Variants in INCA1 observed in about 807,000 individuals in gnomAD.
INCA1 encodes inhibitor of CDK, cyclin A1 interacting protein 1.
In INCA1, 28 loss-of-function variants were observed where a neutral mutation model predicts 25.7. That is an observed-to-expected ratio of 1.09 (90% CI 0.81 to 1.49). The LOEUF (loss-of-function observed/expected upper bound fraction) is 1.49. Ranked by LOEUF, INCA1 falls within the 40% of genes most tolerant of loss-of-function variation. The probability of loss-of-function intolerance (pLI) is 0.00; values close to 1 mark genes in which losing one functional copy is unlikely to be tolerated. For missense variants in INCA1, 309 were observed against 290.9 expected, an observed-to-expected ratio of 1.06 and a Z score of -0.45; for synonymous variants, 111 against 103.6, an observed-to-expected ratio of 1.07 and a Z score of -0.43.
At chr17:4,988,702 C>G in intron 6 of INCA1, 77 bp downstream of exon 6, 1 of 1,591,306 alleles carries the variant, frequency 6.3e-7, no homozygotes, top group Non-Finnish European at 8.6e-7. Flanking sequence ...CAGCCTGGCT[C>G]TCAGCTTCTG....
At chr17:4,996,382 TAAG>T (rs2143266105) in intron 1 of INCA1, among the ~76,000 whole-genome samples, 1 of 145,816 alleles carries the variant, frequency 6.9e-6, no homozygotes, top group South Asian at 2.1e-4. Context: ...ACCCTGTTTC[TAAG>T]AAGAAAAAAA....
At chr17:4,990,337 G>C in intron 2 of INCA1, 72 bp from the exon 3 acceptor site, 1 of 1,514,464 alleles carries the variant, frequency 6.6e-7, no homozygotes, top group South Asian at 1.3e-5. Context: ...AAGGATTCAG[G>C]GGCCATCTTT....
At chr17:4,989,370 A>C in intron 5 of INCA1, 58 bp downstream of exon 5, 1 of 1,516,454 alleles carries the variant, frequency 6.6e-7, no homozygotes, top group Non-Finnish European at 9.0e-7. Context: ...CTTAGCTCAA[A>C]CTGTTCTGCC....
chr17:4,989,902 A>C, exon 4 of INCA1: 1 of 1,614,194 alleles, frequency 6.2e-7, no homozygotes. Context: ...GCATGGGTGG[A>C]ATGTGCTGCT....
chr17:4,996,797 T>G (rs1974317836), intron 1 of INCA1: 1 of 149,608 alleles, frequency 6.7e-6, no homozygotes, highest in South Asian at 2.1e-4. Flanking sequence ...GAACTAGGGA[T>G]GGGCTGGGAA....
At chr17:4,997,403 C>G (rs1405870690), upstream of INCA1, 2 of 152,270 alleles carry the variant, frequency 1.3e-5, no homozygotes, top group Admixed American at 1.3e-4. Flanking sequence ...GTTTGGGCCT[C>G]AGGCGGCGTC....
intron 2 of INCA1, among the ~76,000 whole-genome samples, chr17:4,991,572 G>A (rs1160569714): frequency 6.6e-6 from 1 of 152,180 alleles, no homozygotes; most frequent in Non-Finnish European, 1.5e-5. Flanking sequence ...TCTAAGAAAT[G>A]GAGTATGTTA....
chr17:4,993,238 G>A (rs1048565526), intron 2 of INCA1, among the ~76,000 whole-genome samples: 9 of 151,876 alleles, frequency 5.9e-5, no homozygotes, highest in African/African-American at 2.2e-4. Context: ...GGAGTGCAAT[G>A]GCTCGGTCTC....
rs1973589272 is a variant in INCA1, at chr17:4,988,954, CT to C, written c.396-11del. On this transcript the variant is annotated splice_polypyrimidine_tract_variant and intron_variant, in intron 5 of 6. Coordinates refer to ENST00000576820, the Ensembl canonical transcript of INCA1. ...CTGGGCCTTCTTCAGTCTGTGGAGA[CT>C]TTAGGCTGAGGAGAGAAGTGCCTGG... The C allele has an allele frequency of 6.2e-7, 1 of 1,610,070 alleles. No homozygotes were observed. Among genetic ancestry groups the C allele is most frequent in the Admixed American group, 1.7e-5 (1 of 59,522 alleles).
intron 5 of INCA1, 55 bp from the exon 6 acceptor site, chr17:4,988,999 C>T (rs1973596760): frequency 6.5e-7 from 1 of 1,536,844 alleles, no homozygotes; most frequent in Non-Finnish European, 8.8e-7. Flanking sequence ...CTTCCTGTCT[C>T]TCCATTCTTC....
chr17:4,989,972 G>A (rs977753801), intron 3 of INCA1, 43 bp from the exon 4 acceptor site: 2 of 1,613,464 alleles, frequency 1.2e-6, no homozygotes, highest in African/African-American at 2.7e-5. Flanking sequence ...GAGGGGACAT[G>A]TCCATCCATA....
intron 2 of INCA1, among the ~76,000 whole-genome samples, chr17:4,992,459 T>C (rs952776976): frequency 6.6e-6 from 1 of 152,084 alleles, no homozygotes; most frequent in Non-Finnish European, 1.5e-5. Flanking sequence ...TTCTTTTAAA[T>C]GTTTATCAGA....
rs1974103248 is a variant in INCA1 at position 4,994,573 on chromosome 17, T to C, written c.-38-98A>G. 3 of 828,680 alleles carry C rather than the reference T, an allele frequency of 3.6e-6. No individual in the cohort carries two copies. In the South Asian group the frequency reaches 4.3e-5, roughly 12 times the overall value. 51.3% of individuals were successfully genotyped at this position (828,680 alleles called of 1,614,324 possible). Reference sequence around the variant, plus strand: ...TTTGGAGGCCAAGGCGGGCGGATCATGAGGTCAGGAGTTCAAGACCAGCCT... The same window carrying C: ...TTTGGAGGCCAAGGCGGGCGGATCACGAGGTCAGGAGTTCAAGACCAGCCT... On this transcript the variant is annotated intron_variant, in intron 1 of 6. Coordinates refer to ENST00000576820, the Ensembl canonical transcript of INCA1.
intron 2 of INCA1, among the ~76,000 whole-genome samples, chr17:4,993,765 GC>G (rs1597817330): frequency 7.3e-6 from 1 of 137,624 alleles, no homozygotes; most frequent in Non-Finnish European, 1.5e-5. Context: ...ACCGTGCCTG[GC>G]CTTTTTTTTT....
At chr17:4,994,603 A>G in intron 1 of INCA1, 128 bp from the exon 2 acceptor site, 1 of 624,336 alleles carries the variant, frequency 1.6e-6, no homozygotes, top group East Asian at 3.2e-5. Flanking sequence ...CAGCCTGGCC[A>G]ATATAGTGAA....
At chr17:4,989,489 G>T (rs148470772) in exon 5 of INCA1, 9 of 1,614,166 alleles carry the variant, frequency 5.6e-6, no homozygotes, top group Non-Finnish European at 7.6e-6. Context: ...GCCCTCACCC[G>T]GGCGGGGACT....
intron 1 of INCA1, among the ~76,000 whole-genome samples, chr17:4,995,087 C>G (rs1319929114): frequency 6.6e-6 from 1 of 151,950 alleles, no homozygotes; most frequent in African/African-American, 2.4e-5. Context: ...TGCCTGTAAT[C>G]CCAGCTACTC....
intron 2 of INCA1, among the ~76,000 whole-genome samples, chr17:4,991,528 C>T (rs1019335191): frequency 6.6e-6 from 1 of 152,202 alleles, no homozygotes; most frequent in African/African-American, 2.4e-5. Flanking sequence ...CACTTCCAAA[C>T]CCCACAGGCT....
Position 4,989,745 on chromosome 17 carries a change from ATGAC to A in INCA1, c.199-125_199-122del, listed in dbSNP as rs1973708316. 2.6e-6 allele frequency: 4 copies of A among 1,546,406 alleles called. No homozygotes were observed. The Admixed American group carries it at 6.7e-5, about 26-fold the overall frequency. The stretch of plus-strand genomic sequence containing the variant: ...AGACCCCTGTGATCTCGAAAACATG[ATGAC>A]TGATTCATAGAAAGGAAGGCCTGGT... On this transcript the variant is annotated intron_variant, in intron 4 of 6. Coordinates refer to ENST00000576820, the Ensembl canonical transcript of INCA1.
Sources: gnomAD v4.1 joint callset for allele counts (sites outside exome capture counted in the v4.1 genomes callset) on GRCh38, gnomAD v4.1.1 for gene constraint, MANE v1.5 for transcripts, NCBI Gene and HGNC (gene_info 2026-07-23, HGNC 2026-07-21) for gene names.